Variants in PDE7B observed in about 807,000 individuals in gnomAD.
PDE7B encodes 3',5'-cyclic-AMP phosphodiesterase 7B.
Under a neutral mutation model 56.2 loss-of-function variants are expected in PDE7B, and 29 were observed. The observed-to-expected ratio is 0.52, with a 90% CI of 0.38 to 0.70. The LOEUF is 0.70. Among genes scored for constraint, PDE7B ranks in the 30% least tolerant of loss-of-function variants. PDE7B has a pLI of 0.00. For missense variants in PDE7B, 490 were observed against 565.0 expected, an observed-to-expected ratio of 0.87 and a Z score of 1.35; for synonymous variants, 197 against 196.9, an observed-to-expected ratio of 1.00 and a Z score of 0.00.
At chr6:135,876,190 G>C (rs2128187683) in intron 1 of PDE7B, among the ~76,000 whole-genome samples, 1 of 152,276 alleles carries the variant, frequency 6.6e-6, no homozygotes, top group African/African-American at 2.4e-5. Flanking sequence ...AGAAGAGTTT[G>C]GCATTAGCAG....
intron 2 of PDE7B, among the ~76,000 whole-genome samples, chr6:135,963,344 G>C (rs901459591): frequency 6.6e-6 from 1 of 152,166 alleles, no homozygotes; most frequent in African/African-American, 2.4e-5. Flanking sequence ...AAAAGGCATA[G>C]TTTTGTCTGA....
chr6:135,853,316 T>G (rs534288035), intron 1 of PDE7B, among the ~76,000 whole-genome samples: 15 of 152,306 alleles, frequency 9.8e-5, no homozygotes, highest in African/African-American at 3.6e-4. Context: ...AAGACTGGAA[T>G]GTACTAAGTT....
chr6:136,068,999 T>A (rs1308149221), intron 2 of PDE7B, among the ~76,000 whole-genome samples: 1 of 152,176 alleles, frequency 6.6e-6, no homozygotes, highest in Non-Finnish European at 1.5e-5. Context: ...GGTCTCTGTT[T>A]TAATGTCAGT....
intron 2 of PDE7B, among the ~76,000 whole-genome samples, chr6:136,043,075 CA>C (rs1776439586): frequency 6.6e-6 from 1 of 152,172 alleles, no homozygotes; most frequent in Admixed American, 6.5e-5. Flanking sequence ...TCATTCAAAG[CA>C]GGACAAATTG....
chr6:135,940,287 C>T (rs1432853422), intron 1 of PDE7B, among the ~76,000 whole-genome samples: 1 of 152,202 alleles, frequency 6.6e-6, no homozygotes, highest in Non-Finnish European at 1.5e-5. Flanking sequence ...CTTTCAAAGC[C>T]TTCTCCAGTA....
chr6:136,013,863 A>G, intron 2 of PDE7B, among the ~76,000 whole-genome samples: 1 of 152,206 alleles, frequency 6.6e-6, no homozygotes, highest in East Asian at 1.9e-4. Flanking sequence ...GGCTAGAAGT[A>G]ACTGCTTCCT....
At chr6:135,852,605 C>G (rs1419509425) in intron 1 of PDE7B, among the ~76,000 whole-genome samples, 3 of 152,042 alleles carry the variant, frequency 2.0e-5, no homozygotes, top group African/African-American at 7.2e-5. Flanking sequence ...TCCTTCATCA[C>G]CTTGTTGCAT....
At chr6:136,189,692 A>T (rs1779191662) in intron 12 of PDE7B, among the ~76,000 whole-genome samples, 1 of 152,186 alleles carries the variant, frequency 6.6e-6, no homozygotes, top group Non-Finnish European at 1.5e-5. Flanking sequence ...CTCTGAGGCT[A>T]CCATTCCTCC....
At chr6:136,092,747 G>A (rs988898278) in intron 2 of PDE7B, among the ~76,000 whole-genome samples, 2 of 152,064 alleles carry the variant, frequency 1.3e-5, no homozygotes, top group Non-Finnish European at 2.9e-5. Context: ...GACAACAAGA[G>A]CGAGACTGTC....
At chr6:135,947,420 T>C (rs1774612849) in intron 1 of PDE7B, 44 bp from the exon 2 acceptor site, 2 of 1,425,168 alleles carry the variant, frequency 1.4e-6, no homozygotes, top group South Asian at 1.2e-5. Context: ...TTGGGAATCT[T>C]GATATGAAAT....
At chr6:136,099,892 T>A (rs1777532887) in intron 2 of PDE7B, among the ~76,000 whole-genome samples, 2 of 152,204 alleles carry the variant, frequency 1.3e-5, no homozygotes, top group Admixed American at 1.3e-4. Flanking sequence ...TCCTCTAGGG[T>A]TTTTGTGGTT....
At chr6:135,864,238 C>A (rs1157014597) in intron 1 of PDE7B, among the ~76,000 whole-genome samples, 1 of 152,034 alleles carries the variant, frequency 6.6e-6, no homozygotes, top group Non-Finnish European at 1.5e-5. Flanking sequence ...ACTTTTGTAT[C>A]CCTCCTAAAT....
intron 1 of PDE7B, among the ~76,000 whole-genome samples, chr6:135,873,503 T>A (rs1775429412): frequency 6.6e-6 from 1 of 152,186 alleles, no homozygotes; most frequent in African/African-American, 2.4e-5. Context: ...ATCTTTAATA[T>A]AGTATGATGT....
At position 135,851,900 on chromosome 6, in the gene PDE7B, T is replaced by G. The variant is rs1300948053; in HGVS notation, c.-99T>G. On this transcript the variant is annotated 5_prime_UTR_variant, in exon 1 of 13. It removes an upstream start codon present in the reference 5' UTR. Transcript: ENST00000308191. ...ACTTAATTATATTCCTAATCCTGGA[T>G]GAAGTTGCTGGATTCTGCAGCACAA... 6.5e-6 allele frequency: 5 copies of G among 764,236 alleles called. No homozygotes were observed. In the African/African-American group the frequency reaches 8.7e-5, roughly 13 times the overall value. 47.3% of individuals were successfully genotyped at this position (764,236 alleles called of 1,614,324 possible).
chr6:136,066,794 G>A (rs115985605), intron 2 of PDE7B, among the ~76,000 whole-genome samples: 303 of 151,680 alleles, frequency 2.0e-3, no homozygotes, highest in African/African-American at 7.0e-3. Flanking sequence ...AGGGAAATAT[G>A]AATACTGGTT....
At chr6:135,959,712 A>G (rs571941214) in intron 2 of PDE7B, among the ~76,000 whole-genome samples, 1 of 152,236 alleles carries the variant, frequency 6.6e-6, no homozygotes. Context: ...ATGAATGACT[A>G]TGATCATGTT....
chr6:135,859,065 A>T (rs1433569065), intron 1 of PDE7B, among the ~76,000 whole-genome samples: 1 of 151,952 alleles, frequency 6.6e-6, no homozygotes, highest in Non-Finnish European at 1.5e-5. Flanking sequence ...GAGAGAAAAA[A>T]AAAAAAAAGA....
intron 4 of PDE7B, among the ~76,000 whole-genome samples, chr6:136,147,786 G>A (rs1778441512): frequency 6.6e-6 from 1 of 152,258 alleles, no homozygotes; most frequent in Admixed American, 6.5e-5. Flanking sequence ...ATATTTGCAC[G>A]ATACTAAGTA....
chr6:135,874,449 A>C (rs1051812049), intron 1 of PDE7B, among the ~76,000 whole-genome samples: 3 of 152,170 alleles, frequency 2.0e-5, no homozygotes, highest in Non-Finnish European at 4.4e-5. Flanking sequence ...TCCATTTCTA[A>C]ATATTTTATA....
Sources: gnomAD v4.1 joint callset for allele counts (sites outside exome capture counted in the v4.1 genomes callset) on GRCh38, gnomAD v4.1.1 for gene constraint, MANE v1.5 for transcripts, NCBI Gene and HGNC (gene_info 2026-07-23, HGNC 2026-07-21) for gene names.